PREP: variants seen among roughly 807,000 people sequenced by gnomAD.
The protein encoded by PREP is prolyl endopeptidase.
In PREP, 29 loss-of-function variants were observed where a neutral mutation model predicts 87.6. The observed-to-expected ratio is 0.33, with a 90% CI of 0.25 to 0.45. The LOEUF is 0.45. Among genes scored for constraint, PREP ranks in the 20% least tolerant of loss-of-function variants. PREP has a pLI of 1.00. For synonymous variants in PREP, 337 were observed against 328.6 expected (o/e 1.03, Z -0.28); for missense variants, 695 against 886.5 (o/e 0.78, Z 2.74).
At chr6:105,327,954 T>C (rs1771215344) in intron 9 of PREP, among the ~76,000 whole-genome samples, 1 of 152,212 alleles carries the variant, frequency 6.6e-6, no homozygotes, top group Non-Finnish European at 1.5e-5. Context: ...CCAATTTTTT[T>C]TTTAAGTTAA....
intron 7 of PREP, among the ~76,000 whole-genome samples, chr6:105,343,649 A>G (rs1416435930): frequency 6.6e-6 from 1 of 151,204 alleles, no homozygotes; most frequent in Non-Finnish European, 1.5e-5. Context: ...GCTAATATCT[A>G]GAATCTACAA....
chr6:105,392,362 A>G (rs1038027169), intron 2 of PREP, among the ~76,000 whole-genome samples: 11 of 150,828 alleles, frequency 7.3e-5, no homozygotes, highest in African/African-American at 2.7e-4. Context: ...GGGACTGCAA[A>G]CCTCCTTCTC....
rs765842924 is a variant in PREP at position 105,373,374 on chromosome 6, C to T, written c.590G>A (p.Ser197Asn). The T allele has an allele frequency of 6.2e-7, 1 of 1,614,030 alleles. No homozygotes were observed. Among genetic ancestry groups the T allele is most frequent in the South Asian group, 1.1e-5 (1 of 91,066 alleles). ...YNSYPQQDGK[S>N]DGTETSTNLH... ...CATCTGAAGTCTTCACTCACCATCA[C>T]TTTTTCCATCCTGTTGAGGGTATGA... Residue 197 changes from serine to asparagine, a missense_variant, in exon 5 of 15, where the codon AGT becomes AAT. Ser to Asn is a conservative substitution (Grantham distance 46, BLOSUM62 1). This residue lies in a region of PREP where 517 missense variants were observed against 620.3 expected (regional missense o/e 0.83). Coordinates refer to ENST00000652536, the MANE Select transcript of PREP (RefSeq NM_002726.5).
chr6:105,316,289 G>A (rs1408199979), intron 10 of PREP, among the ~76,000 whole-genome samples: 1 of 152,202 alleles, frequency 6.6e-6, no homozygotes, highest in African/African-American at 2.4e-5. Context: ...TCAGGGAATA[G>A]GGCGGTCTGA....
chr6:105,375,102 TTTTCGATACTG>T (rs1772655669), intron 4 of PREP, among the ~76,000 whole-genome samples: 1 of 152,138 alleles, frequency 6.6e-6, no homozygotes, highest in South Asian at 2.1e-4. Flanking sequence ...TGATGTCTTA[TTTTCGATACTG>T]GTTCGATAAA....
chr6:105,394,521 T>C (rs920102311), intron 2 of PREP, among the ~76,000 whole-genome samples: 2 of 152,088 alleles, frequency 1.3e-5, no homozygotes, highest in African/African-American at 2.4e-5. Context: ...GAAGAGAAAA[T>C]AGAATTATCA....
At chr6:105,327,834 C>A (rs558436158) in intron 9 of PREP, among the ~76,000 whole-genome samples, 1 of 152,306 alleles carries the variant, frequency 6.6e-6, no homozygotes, top group East Asian at 1.9e-4. Context: ...AAACTGCTAA[C>A]TGAGCCAGAC....
chr6:105,396,388 A>T (rs1773285338), intron 2 of PREP, among the ~76,000 whole-genome samples: 1 of 152,244 alleles, frequency 6.6e-6, no homozygotes, highest in African/African-American at 2.4e-5. Context: ...CAGGTGAGCC[A>T]GTGCTTGAGA....
At chr6:105,327,350 C>T (rs1332634108) in intron 9 of PREP, among the ~76,000 whole-genome samples, 3 of 152,132 alleles carry the variant, frequency 2.0e-5, no homozygotes, top group Non-Finnish European at 2.9e-5. Context: ...AATTCTCGAA[C>T]GGTCACTTCC....
chr6:105,286,721 G>A (rs1010257361), intron 11 of PREP, among the ~76,000 whole-genome samples: 1 of 151,840 alleles, frequency 6.6e-6, no homozygotes, highest in Admixed American at 6.6e-5. Context: ...TAGGGTAGAT[G>A]TATCAGACCA....
chr6:105,284,111 T>C (rs899321268), intron 12 of PREP, among the ~76,000 whole-genome samples: 2 of 152,220 alleles, frequency 1.3e-5, no homozygotes, highest in Non-Finnish European at 2.9e-5. Context: ...TTATCACTCA[T>C]CTTTTAATAT....
intron 6 of PREP, among the ~76,000 whole-genome samples, chr6:105,364,479 G>A (rs974120338): frequency 2.6e-5 from 4 of 152,156 alleles, no homozygotes; most frequent in Non-Finnish European, 4.4e-5. Flanking sequence ...CAGTGAACTT[G>A]GACTGCGGCA....
In PREP at chr6:105,276,104, C is replaced by A. The variant is rs762113743; in HGVS notation, c.*2040G>T. 2.0e-5 allele frequency among the ~76,000 whole-genome samples: 3 copies of A among 152,300 alleles called. No homozygotes were observed. The highest frequency in any genetic ancestry group is 2.1e-4 in the South Asian group (1 of 4,828). On this transcript the variant is annotated 3_prime_UTR_variant, in exon 15 of 15. Coordinates refer to ENST00000652536, the MANE Select transcript of PREP (RefSeq NM_002726.5). ...AATCCCTTAGAGTTCTGGGTAGGAG[C>A]CCAATCTCAAGTCTTATTTCTAATG...
Position 105,277,011 on chromosome 6 carries a change from CTG to C in PREP, c.*1131_*1132del, listed in dbSNP as rs1290470633. 3.3e-5 allele frequency among the ~76,000 whole-genome samples: 5 copies of C among 151,890 alleles called. No homozygotes were observed. In the South Asian group the frequency reaches 8.3e-4, roughly 25 times the overall value. On this transcript the variant is annotated 3_prime_UTR_variant, in exon 15 of 15. Coordinates refer to ENST00000652536, the MANE Select transcript of PREP (RefSeq NM_002726.5). ...ATAAAGCAAGACAAAGGAAAAAAAA[CTG>C]TTTTAAGTTAGATCAGCATTTCCCA...
chr6:105,376,308 T>C, intron 3 of PREP, 53 bp from the exon 4 acceptor site: 2 of 1,574,944 alleles, frequency 1.3e-6, no homozygotes, highest in Non-Finnish European at 1.7e-6. Flanking sequence ...ATTTGTGGAG[T>C]AAAACCAAAC....
intron 10 of PREP, among the ~76,000 whole-genome samples, chr6:105,321,295 TTCC>T (rs949851268): frequency 5.3e-5 from 8 of 152,232 alleles, no homozygotes; most frequent in Admixed American, 6.5e-5. Context: ...AGTCTTTTTA[TTCC>T]TCCTATTACA....
chr6:105,335,750 G>A (rs935975545), intron 7 of PREP, among the ~76,000 whole-genome samples: 36 of 152,010 alleles, frequency 2.4e-4, no homozygotes, highest in African/African-American at 7.2e-4. Flanking sequence ...AAAATTAGCC[G>A]GGTGTGGTGG....
intron 2 of PREP, among the ~76,000 whole-genome samples, chr6:105,383,746 G>A (rs1159915052): frequency 3.9e-5 from 6 of 152,010 alleles, no homozygotes; most frequent in African/African-American, 1.2e-4. Flanking sequence ...AGCAGAAACC[G>A]TCACTCCGAC....
chr6:105,328,923 C>T lies in PREP; in HGVS notation c.1119G>A (p.Lys373=). 6.2e-7 allele frequency: 1 copy of T among 1,614,124 alleles called. No homozygotes were observed. The highest frequency in any genetic ancestry group is 8.5e-7 in the Non-Finnish European group (1 of 1,180,028). ...TGCTGCCGACATCGAGCGGGAAGGT[C>T]TTAAGGAGAGCACCAGTAGTCAGGT... is the stretch of plus-strand genomic sequence containing the variant. ...LHDLTTGALL[K]TFPLDVGSIV... Residue 373 remains lysine (K), a synonymous_variant, in exon 9 of 15, where the codon AAG becomes AAA. Transcript: ENST00000652536.
Sources: allele counts gnomAD v4.1 joint callset (sites outside exome capture counted in the v4.1 genomes callset), GRCh38; gene constraint gnomAD v4.1.1; regional missense constraint gnomAD v4.1.1; transcripts MANE v1.5; gene names NCBI Gene and HGNC (gene_info 2026-07-23, HGNC 2026-07-21).